NDUFAF6: variants seen among roughly 807,000 people sequenced by gnomAD.
NDUFAF6 encodes NADH:ubiquinone oxidoreductase complex assembly factor 6.
In NDUFAF6, 45 loss-of-function variants were observed where a neutral mutation model predicts 40.8. The observed-to-expected ratio is 1.10, with a 90% CI of 0.87 to 1.42. The LOEUF is 1.42. NDUFAF6 is among the 40% of genes most tolerant of loss of function. The pLI, the probability that NDUFAF6 is intolerant of heterozygous loss-of-function variation, is 0.00. For missense variants in NDUFAF6, 435 were observed against 418.5 expected (o/e 1.04, Z -0.34); for synonymous variants, 185 against 155.9 (o/e 1.19, Z -1.39).
intron 1 of NDUFAF6, chr8:94,928,593 C>G (rs1820102631): frequency 6.6e-6 from 1 of 152,364 alleles, no homozygotes; most frequent in African/African-American, 2.4e-5. Flanking sequence ...AAGGGGAAGT[C>G]AAAACGGAAG....
At chr8:95,017,158 C>T (rs928549946) in intron 2 of NDUFAF6, among the ~76,000 whole-genome samples, 1 of 148,912 alleles carries the variant, frequency 6.7e-6, no homozygotes, top group African/African-American at 2.5e-5. Flanking sequence ...CCAGGCTGGC[C>T]TCAAACTCCT....
At position 95,109,532 on chromosome 8, in the gene NDUFAF6, C is replaced by T. The variant is rs73264509; in HGVS notation, n.345-6004C>T. On this transcript the variant is annotated intron_variant and non_coding_transcript_variant, in intron 4 of 5. Coordinates refer to the NDUFAF6 transcript ENST00000523184. ...AATTCCATGATAAGATGTATAAATG[C>T]GTGGATTTGCAGAAAATGTAATCAT... Among the ~76,000 whole-genome samples the T allele has an allele frequency of 3.5e-3, 524 of 151,862 alleles. 4 individuals carry two copies. The highest frequency in any genetic ancestry group is 0.01 in the Middle Eastern group (3 of 294).
intron 1 of NDUFAF6, among the ~76,000 whole-genome samples, chr8:94,899,419 G>A (rs1409841882): frequency 6.6e-6 from 1 of 152,118 alleles, no homozygotes; most frequent in African/African-American, 2.4e-5. Context: ...TCTTTTCTGA[G>A]CTTCATAATC....
intron 2 of NDUFAF6, among the ~76,000 whole-genome samples, chr8:95,086,925 T>C: frequency 6.6e-6 from 1 of 152,100 alleles, no homozygotes; most frequent in Non-Finnish European, 1.5e-5. Flanking sequence ...TTGAGTGCCT[T>C]CTCCCTGTGT....
chr8:95,058,106 C>G lies in NDUFAF6; in HGVS notation c.*169C>G. On this transcript the variant is annotated 3_prime_UTR_variant, in exon 9 of 9. Coordinates refer to ENST00000396124, the MANE Select transcript of NDUFAF6 (RefSeq NM_152416.4). ...TTGCCGTGGGACTAGGGTGCCAAGACTGCTGAGATTCTGGCAGAGGCACTG... is the reference window on the plus strand; with the variant it reads ...TTGCCGTGGGACTAGGGTGCCAAGAGTGCTGAGATTCTGGCAGAGGCACTG... 1 of 1,449,906 alleles carries G rather than the reference C, an allele frequency of 6.9e-7. No individual in the cohort carries two copies. The highest frequency in any genetic ancestry group is 9.0e-7 in the Non-Finnish European group (1 of 1,111,770). The allele number at this position is 1,449,906 out of a possible 1,614,324, so 89.8% of individuals were successfully genotyped here. A position where few individuals can be genotyped will look rare whatever the true frequency, so the allele number is the denominator to read the frequency against.
chr8:94,994,080 A>G (rs1024417090), intron 2 of NDUFAF6, among the ~76,000 whole-genome samples: 14 of 152,114 alleles, frequency 9.2e-5, no homozygotes, highest in Non-Finnish European at 1.5e-4. Context: ...ATTCTATTCA[A>G]ATACTCACTC....
Position 95,031,912 on chromosome 8 carries a change from T to A in NDUFAF6, c.198-83T>A, listed in dbSNP as rs1239052289. 7.9e-6 allele frequency: 11 copies of A among 1,383,972 alleles called. 1 individual carries two copies. Among genetic ancestry groups the A allele is most frequent in the Non-Finnish European group, 1.0e-5 (10 of 972,310 alleles). The allele number at this position is 1,383,972 out of a possible 1,614,324, so 85.7% of individuals were successfully genotyped here. ...TACCGCGCCCAACTTGAAGCCTTTT[T>A]GTTTTCAGTTAATTTTAGTCAGTAT... On this transcript the variant is annotated intron_variant, in intron 1 of 8. Transcript: ENST00000396124.
chr8:95,052,474 G>A (rs1831551151), intron 8 of NDUFAF6, among the ~76,000 whole-genome samples: 1 of 152,156 alleles, frequency 6.6e-6, no homozygotes, highest in Non-Finnish European at 1.5e-5. Context: ...GCTTGAATCT[G>A]TTTTGCCCCT....
intron 2 of NDUFAF6, among the ~76,000 whole-genome samples, chr8:94,991,704 G>A (rs1432723444): frequency 2.0e-5 from 3 of 151,226 alleles, no homozygotes; most frequent in Admixed American, 6.6e-5. Context: ...TTACATAAAA[G>A]TAGCATATAA....
Position 95,048,743 on chromosome 8 carries a change from C to T in NDUFAF6, c.816+185C>T, listed in dbSNP as rs191894490. ...CACTTAAAAAAGTCCCTCCCCCCAC[C>T]TCACAGCATATGAATGCGTTCTCTA... On this transcript the variant is annotated intron_variant, in intron 7 of 8. Coordinates refer to ENST00000396124, the MANE Select transcript of NDUFAF6 (RefSeq NM_152416.4). Among the ~76,000 whole-genome samples, 4 of 152,302 alleles carry T rather than the reference C, an allele frequency of 2.6e-5. No individual in the cohort carries two copies. The East Asian group carries it at 7.7e-4, about 29-fold the overall frequency.
chr8:94,945,778 G>C (rs1309383620), intron 2 of NDUFAF6, among the ~76,000 whole-genome samples: 1 of 152,224 alleles, frequency 6.6e-6, no homozygotes, highest in Non-Finnish European at 1.5e-5. Context: ...CAGCAAAGAG[G>C]TGAAGCAAAG....
chr8:95,021,057 A>G (rs1013413958), upstream of NDUFAF6, among the ~76,000 whole-genome samples: 1 of 152,160 alleles, frequency 6.6e-6, no homozygotes, highest in Non-Finnish European at 1.5e-5. Flanking sequence ...GCTTACTTTG[A>G]TTTAGGTCTT....
chr8:94,930,829 A>G, intron 1 of NDUFAF6: 1 of 1,292,146 alleles, frequency 7.7e-7, no homozygotes, highest in Non-Finnish European at 1.1e-6. Flanking sequence ...TAATTTGTTT[A>G]TGGCTGAATG....
chr8:95,110,367 G>C (rs1335559039), intron 4 of NDUFAF6, among the ~76,000 whole-genome samples: 2 of 152,170 alleles, frequency 1.3e-5, no homozygotes, highest in Non-Finnish European at 2.9e-5. Context: ...TGGTTCATGG[G>C]TGCCACTTAC....
At chr8:95,045,854 G>T (rs1287494838) in intron 5 of NDUFAF6, among the ~76,000 whole-genome samples, 1 of 151,864 alleles carries the variant, frequency 6.6e-6, no homozygotes, top group African/African-American at 2.4e-5. Flanking sequence ...CAAGACTCAG[G>T]CTCTCATACA....
At chr8:95,047,508 C>CT (rs373655223) in intron 6 of NDUFAF6, among the ~76,000 whole-genome samples, 6,551 of 126,386 alleles carry the variant, frequency 0.052, 238 homozygotes, top group Non-Finnish European at 0.075. Context: ...CTTTTCTTTT[C>CT]TTTTTTTTTT....
intron 6 of NDUFAF6, among the ~76,000 whole-genome samples, chr8:95,047,857 T>C (rs1038095418): frequency 6.6e-6 from 1 of 152,116 alleles, no homozygotes; most frequent in Non-Finnish European, 1.5e-5. Context: ...TTCAAACTTT[T>C]TGTATGTTTC....
chr8:94,921,422 C>G (rs534248030), intron 1 of NDUFAF6, among the ~76,000 whole-genome samples: 2 of 152,138 alleles, frequency 1.3e-5, no homozygotes, highest in Non-Finnish European at 2.9e-5. Context: ...ATTGGCCAGG[C>G]CTGATTCATA....
At chr8:94,927,385 C>T (rs1819988367) in intron 1 of NDUFAF6, 1 of 152,158 alleles carries the variant, frequency 6.6e-6, no homozygotes, top group African/African-American at 2.4e-5. Context: ...ACAGCCTGCT[C>T]AAGTTTTAAA....
Sources: gnomAD v4.1 joint callset for allele counts (sites outside exome capture counted in the v4.1 genomes callset) on GRCh38, gnomAD v4.1.1 for gene constraint, MANE v1.5 for transcripts, NCBI Gene and HGNC (gene_info 2026-07-23, HGNC 2026-07-21) for gene names.